The following TBRG1 variants were observed in gnomAD, a reference collection of about 807,000 sequenced individuals.
The protein encoded by TBRG1 is transforming growth factor beta regulator 1.
Under a neutral mutation model 44.0 loss-of-function variants are expected in TBRG1, and 31 were observed. The ratio of observed to expected loss-of-function variants is 0.70; its 90% CI spans 0.53 to 0.95. The LOEUF is 0.95. TBRG1 is among the 40% of genes least tolerant of loss of function. The pLI, the probability that TBRG1 is intolerant of heterozygous loss-of-function variation, is 0.00. For synonymous variants in TBRG1, 171 were observed against 188.1 expected, an observed-to-expected ratio of 0.91 and a Z score of 0.74; for missense variants, 487 against 496.1, an observed-to-expected ratio of 0.98 and a Z score of 0.18.
chr11:124,624,742 A>AT (rs1170666014), intron 1 of TBRG1, among the ~76,000 whole-genome samples, 189 bp from the exon 2 acceptor site: 2 of 152,194 alleles, frequency 1.3e-5, no homozygotes, highest in Non-Finnish European at 2.9e-5. Flanking sequence ...TTACATAGCT[A>AT]TACCCTGTCC....
At chr11:124,623,402 G>T (rs1169816082) in intron 1 of TBRG1, 169 bp downstream of exon 1, 1 of 771,252 alleles carries the variant, frequency 1.3e-6, no homozygotes, top group African/African-American at 1.7e-5. Flanking sequence ...TAATTTCTCT[G>T]TGTCCTCATC....
At chr11:124,628,891 G>T (rs1035611330) in intron 5 of TBRG1, among the ~76,000 whole-genome samples, 1 of 152,132 alleles carries the variant, frequency 6.6e-6, no homozygotes, top group African/African-American at 2.4e-5. Flanking sequence ...AATGTTCACT[G>T]TGGCAGTATT....
rs1235286295 is a variant in TBRG1 at position 124,632,133 on chromosome 11, G to A, written c.1131G>A (p.Val377=). ...CAGAGCTTCAGCCTGCAGCCTTTGT[G>A]TCTTCTTACCAGCCCATGTACCTGA... is the stretch of plus-strand genomic sequence containing the variant. The part of the protein sequence containing the change: ...DLPELQPAAF[V]SSYQPMYLTH... The change falls in exon 9 of 9, where the codon GTG becomes GTA. Residue 377 remains valine, a synonymous_variant. Coordinates refer to ENST00000441174, the MANE Select transcript of TBRG1 (RefSeq NM_032811.3). 9 of 1,613,706 alleles carry A rather than the reference G, an allele frequency of 5.6e-6. No individual in the cohort carries two copies. Among genetic ancestry groups the A allele is most frequent in the African/African-American group, 1.3e-5 (1 of 75,020 alleles).
intron 8 of TBRG1, 152 bp from the exon 9 acceptor site, chr11:124,631,940 TA>T: frequency 1.6e-6 from 1 of 641,198 alleles, no homozygotes. Context: ...GTTTTCATTG[TA>T]AAAGTATCTG....
Position 124,631,413 on chromosome 11 carries a change from G to T in TBRG1, c.1086G>T (p.Leu362=), listed in dbSNP as rs766886492. Residue 362 remains leucine, a synonymous_variant, in exon 8 of 9, where the codon CTG becomes CTT. Transcript: ENST00000441174. ...ATGAAGATCAGAATGATCCCCTTCT[G>T]CCAGGTATCTTTAACTTTACCTTTC... is the stretch of plus-strand genomic sequence containing the variant. ...IFDEDQNDPL[L]PGSLDLPELQ... 1.2e-6 allele frequency: 2 copies of T among 1,613,894 alleles called. No individual in the cohort carries two copies. The highest frequency in any genetic ancestry group is 2.2e-5 in the South Asian group (2 of 91,080).
intron 5 of TBRG1, among the ~76,000 whole-genome samples, chr11:124,628,230 T>TTTTATTAC (rs1942528016): frequency 6.7e-6 from 1 of 149,642 alleles, no homozygotes; most frequent in African/African-American, 2.4e-5. Flanking sequence ...CAATATGACT[T>TTTTATTAC]TTTATTACTT....
In TBRG1 at chr11:124,625,687, C is replaced by G. The variant is rs1214788467; in HGVS notation, c.238C>G (p.Leu80Val). Residue 80 changes from leucine (L) to valine (V), a missense_variant, in exon 3 of 9, where the codon CTC becomes GTC. Leu to Val is a conservative substitution (Grantham distance 32). Coordinates refer to ENST00000441174, the MANE Select transcript of TBRG1 (RefSeq NM_032811.3). ...TGATCTCAGGTACTTGCTAAAGAAG[C>G]TCCTCCAGCTTCAGGCTCTAACTGA... Reference protein sequence around the residue: ...KEERRYLLKKLLQLQALTEGE... With the variant: ...KEERRYLLKKVLQLQALTEGE... 1 of 1,551,338 alleles carries G rather than the reference C, an allele frequency of 6.4e-7. No individual in the cohort carries two copies.
rs1233151520 is a variant in TBRG1, at chr11:124,627,049, A to G, written c.737A>G (p.Gln246Arg). 6.5e-7 allele frequency: 1 copy of G among 1,537,196 alleles called. No individual in the cohort carries two copies. Among genetic ancestry groups the G allele is most frequent in the East Asian group, 2.4e-5 (1 of 40,918 alleles). The change falls in exon 5 of 9, where the codon CAG (glutamine) becomes CGG (arginine). Residue 246 changes from glutamine (Q) to arginine (R), a missense_variant and splice_region_variant. Physicochemically the swap from Gln to Arg is conservative, Grantham distance 43 (BLOSUM62 1). Coordinates refer to ENST00000441174, the MANE Select transcript of TBRG1 (RefSeq NM_032811.3). Reference sequence around the variant, plus strand: ...ATCAAGGATGGTGGTGTGCAGCCTCAGGTACCCCCTCTAATAATAACCACT... The same window carrying G: ...ATCAAGGATGGTGGTGTGCAGCCTCGGGTACCCCCTCTAATAATAACCACT... ...CQIKDGGVQP[Q>R]FEIVPEDDPQ... is the part of the protein sequence containing the mutation.
At chr11:124,631,239 G>C (rs1463843600) in intron 7 of TBRG1, 36 bp from the exon 8 acceptor site, 1 of 1,527,728 alleles carries the variant, frequency 6.5e-7, no homozygotes, top group Admixed American at 2.2e-5. Context: ...ATGTCTAGCA[G>C]ATAACTCTCA....
In TBRG1 at chr11:124,628,556, A is replaced by G. The variant is rs559732585; in HGVS notation, c.738+1506A>G. Reference sequence around the variant, plus strand: ...AAAAAAAAAAACCCACAGGCATTTCACAGAAACAGTGCAGATGGTAAAGTG... The same window carrying G: ...AAAAAAAAAAACCCACAGGCATTTCGCAGAAACAGTGCAGATGGTAAAGTG... On this transcript the variant is annotated intron_variant, in intron 5 of 8. Coordinates refer to ENST00000441174, the MANE Select transcript of TBRG1 (RefSeq NM_032811.3). Among the ~76,000 whole-genome samples, 25 of 144,720 alleles carry G rather than the reference A, an allele frequency of 1.7e-4. No individual in the cohort carries two copies. The South Asian group carries it at 5.2e-3, about 30-fold the overall frequency. 94.9% of individuals were successfully genotyped at this position (144,720 alleles called of 152,430 possible).
intron 8 of TBRG1, 116 bp downstream of exon 8, chr11:124,631,533 T>C: frequency 8.6e-7 from 1 of 1,158,872 alleles, no homozygotes; most frequent in South Asian, 1.3e-5. Flanking sequence ...AAAGCTTTCA[T>C]TGAATCAGCC....
At chr11:124,626,796 T>A (rs1942482963) in intron 4 of TBRG1, 108 bp from the exon 5 acceptor site, 1 of 1,516,970 alleles carries the variant, frequency 6.6e-7, no homozygotes, top group Non-Finnish European at 9.0e-7. Context: ...CTTTGTGTGA[T>A]TTGTCACTCT....
At position 124,626,286 on chromosome 11, in the gene TBRG1, C is replaced by T. The variant is rs556856835; in HGVS notation, c.455-187C>T. ...GCCTTAAAAAGTATAAGGCCTTTGGCTCCTAAGCACTAATCTGGGCAGGTT... is the reference window on the plus strand; with the variant it reads ...GCCTTAAAAAGTATAAGGCCTTTGGTTCCTAAGCACTAATCTGGGCAGGTT... On this transcript the variant is annotated intron_variant, in intron 3 of 8. Transcript: ENST00000441174. Among the ~76,000 whole-genome samples, 3 of 152,352 alleles carry T rather than the reference C, an allele frequency of 2.0e-5. No individual in the cohort carries two copies. In the South Asian group the frequency reaches 6.2e-4, roughly 32 times the overall value.
chr11:124,623,298 C>A, intron 1 of TBRG1, 65 bp downstream of exon 1: 1 of 1,515,834 alleles, frequency 6.6e-7, no homozygotes, highest in Non-Finnish European at 9.0e-7. Context: ...TTTCCCCAAG[C>A]TGTTCCCCCT....
rs1417737212 is a variant in TBRG1 at position 124,630,840 on chromosome 11, C to T, written c.932C>T (p.Ala311Val). 6.3e-7 allele frequency: 1 copy of T among 1,594,202 alleles called. No individual in the cohort carries two copies. The highest frequency in any genetic ancestry group is 8.6e-7 in the Non-Finnish European group (1 of 1,168,710). The change falls in exon 7 of 9, where the codon GCT becomes GTT. Residue 311 changes from alanine (A) to valine (V), a missense_variant. Ala to Val is a moderately conservative substitution (Grantham distance 64, BLOSUM62 0). Transcript: ENST00000441174. Reference protein sequence around the residue: ...IHNLIQSCPGARKCINYQWVK... With the variant: ...IHNLIQSCPGVRKCINYQWVK... Reference sequence around the variant, plus strand: ...AACCTGATCCAGAGCTGTCCAGGAGCTCGAAAATGCATCAAGTAAGTGTGA... The same window carrying T: ...AACCTGATCCAGAGCTGTCCAGGAGTTCGAAAATGCATCAAGTAAGTGTGA...
intron 5 of TBRG1, among the ~76,000 whole-genome samples, chr11:124,628,965 A>G (rs1396482349): frequency 6.6e-6 from 1 of 152,206 alleles, no homozygotes; most frequent in Admixed American, 6.5e-5. Context: ...TAAGTAAAAT[A>G]TATCCACCGT....
chr11:124,623,480 C>A (rs1018582729), intron 1 of TBRG1: 2 of 582,034 alleles, frequency 3.4e-6, no homozygotes, highest in East Asian at 3.5e-5. Flanking sequence ...GTGCTTGGTG[C>A]GTAAAAGACA....
intron 5 of TBRG1, chr11:124,630,154 C>T: frequency 6.8e-6 from 3 of 438,830 alleles, no homozygotes; most frequent in East Asian, 4.3e-5. Flanking sequence ...ATTAAACGCT[C>T]ACTTTTGGAA....
chr11:124,627,102 A>T, intron 5 of TBRG1, 52 bp downstream of exon 5: 3 of 1,217,404 alleles, frequency 2.5e-6, no homozygotes, highest in Non-Finnish European at 3.6e-6. Flanking sequence ...TCTCTGTGCT[A>T]GGATATGTAT....
Sources: allele counts gnomAD v4.1 joint callset (sites outside exome capture counted in the v4.1 genomes callset), GRCh38; gene constraint gnomAD v4.1.1; transcripts MANE v1.5; gene names NCBI Gene and HGNC (gene_info 2026-07-23, HGNC 2026-07-21).